TMEM178B: variants seen among roughly 807,000 people sequenced by gnomAD.
TMEM178B encodes the protein transmembrane protein 178B.
In TMEM178B, 5 loss-of-function variants were observed where a neutral mutation model predicts 31.0. The ratio of observed to expected loss-of-function variants is 0.16; its 90% CI spans 0.08 to 0.34. The LOEUF is 0.34. TMEM178B is among the 10% of genes least tolerant of loss of function. The probability of loss-of-function intolerance (pLI) is 1.00; values close to 1 mark genes in which losing one functional copy is unlikely to be tolerated. For synonymous variants in TMEM178B, 164 were observed against 164.0 expected (o/e 1.00, Z 0.00); for missense variants, 275 against 400.3 (o/e 0.69, Z 2.67).
chr7:141,474,486 A>G lies in TMEM178B; in HGVS notation c.*3700A>G, dbSNP rs1802321485. 1 of 152,162 alleles carries G rather than the reference A, an allele frequency of 6.6e-6. No individual in the cohort carries two copies. The highest frequency in any genetic ancestry group is 2.4e-5 in the African/African-American group (1 of 41,434). The allele number at this position is 152,162 out of a possible 1,614,324, so 9.4% of individuals were successfully genotyped here. A position where few individuals can be genotyped will look rare whatever the true frequency, so the allele number is the denominator to read the frequency against. On this transcript the variant is annotated 3_prime_UTR_variant, in exon 4 of 4. Transcript: ENST00000565468. The stretch of plus-strand genomic sequence containing the variant: ...AAAATCTGTGCCTGTTCCAGCTTCA[A>G]TCCTCCTCCAAGCCTTAGCTTTTCA...
chr7:141,125,409 G>A (rs1795475064), intron 1 of TMEM178B, among the ~76,000 whole-genome samples: 1 of 152,058 alleles, frequency 6.6e-6, no homozygotes, highest in Non-Finnish European at 1.5e-5. Flanking sequence ...GGCGCCGGAT[G>A]TGGTGGCTCA....
the TMEM178B span, among the ~76,000 whole-genome samples, chr7:141,495,197 A>C: frequency 6.6e-6 from 1 of 152,196 alleles, no homozygotes; most frequent in Non-Finnish European, 1.5e-5. Flanking sequence ...AGACCAGCTA[A>C]ATATTCAGCC....
At chr7:141,116,072 G>A (rs1168385365) in intron 1 of TMEM178B, among the ~76,000 whole-genome samples, 2 of 152,160 alleles carry the variant, frequency 1.3e-5, no homozygotes, top group East Asian at 1.9e-4. Context: ...CTTCAGCTCC[G>A]AGTTCAGTGT....
the TMEM178B span, among the ~76,000 whole-genome samples, chr7:141,490,744 A>C: frequency 1.9e-4 from 29 of 152,152 alleles, no homozygotes; most frequent in African/African-American, 7.0e-4. Context: ...CTAACCCCTA[A>C]CACATCAGCA....
At chr7:141,428,387 A>AAAAAAAAAAAG (rs1563180017) in intron 2 of TMEM178B, among the ~76,000 whole-genome samples, 3 of 143,958 alleles carry the variant, frequency 2.1e-5, no homozygotes, top group African/African-American at 8.0e-5. Flanking sequence ...AAAAAAAAGA[A>AAAAAAAAAAAG]AAAAAGAAAA....
intron 2 of TMEM178B, among the ~76,000 whole-genome samples, chr7:141,370,116 A>AGT (rs79962567): frequency 2.0e-5 from 3 of 151,786 alleles, no homozygotes; most frequent in Admixed American, 2.0e-4. Flanking sequence ...GAACCCCCCA[A>AGT]GTGTGTGTGA....
At position 141,470,712 on chromosome 7, in the gene TMEM178B, T is replaced by C. The variant is rs1403398698; in HGVS notation, c.811T>C (p.Leu271=). The change falls in exon 4 of 4, where the codon TTA becomes CTA. Residue 271 remains leucine, a synonymous_variant. Coordinates refer to ENST00000565468, the MANE Select transcript of TMEM178B (RefSeq NM_001195278.2). ...ACTCATCTCGGGATTCTTCTGTACC[T>C]TAGCCCCTTCTGTTCAACCTGTCCC... ...LTLISGFFCT[L]APSVQPVPRT... The C allele has an allele frequency of 6.5e-7, 1 of 1,535,376 alleles. No homozygotes were observed.
intron 2 of TMEM178B, among the ~76,000 whole-genome samples, chr7:141,290,805 G>C (rs1239805324): frequency 6.6e-6 from 1 of 152,192 alleles, no homozygotes. Context: ...TAGACTGCAA[G>C]CTCTTGGAAG....
intron 1 of TMEM178B, among the ~76,000 whole-genome samples, chr7:141,185,779 C>A (rs944842773): frequency 6.6e-6 from 1 of 152,044 alleles, no homozygotes; most frequent in African/African-American, 2.4e-5. Context: ...GGAGCCCTAA[C>A]CAGGGACCAT....
intron 3 of TMEM178B, among the ~76,000 whole-genome samples, chr7:141,444,055 C>A (rs1801709241): frequency 6.6e-6 from 1 of 152,140 alleles, no homozygotes; most frequent in Admixed American, 6.5e-5. Flanking sequence ...TAGTTTTTGG[C>A]AGGCTTATCT....
chr7:141,138,940 C>T (rs919442431), intron 1 of TMEM178B, among the ~76,000 whole-genome samples: 15 of 151,504 alleles, frequency 9.9e-5, no homozygotes, highest in Admixed American at 2.6e-4. Context: ...GCTGAGATCG[C>T]GCCACCGCAG....
intron 1 of TMEM178B, among the ~76,000 whole-genome samples, chr7:141,104,948 A>G (rs1724064654): frequency 6.6e-6 from 1 of 152,174 alleles, no homozygotes; most frequent in South Asian, 2.1e-4. Flanking sequence ...GGAGAATACA[A>G]TTTGGTCATA....
Position 141,241,646 on chromosome 7 carries a change from C to T in TMEM178B, c.496+28942C>T, listed in dbSNP as rs1419642423. ...TCTGGTTCCTCAGCTACCAAGGCTCCAGCAAGATTTGAGGGCACGTGGTGG... is the reference window on the plus strand; with the variant it reads ...TCTGGTTCCTCAGCTACCAAGGCTCTAGCAAGATTTGAGGGCACGTGGTGG... On this transcript the variant is annotated intron_variant, in intron 2 of 3. Coordinates refer to ENST00000565468, the MANE Select transcript of TMEM178B (RefSeq NM_001195278.2). Among the ~76,000 whole-genome samples the T allele has an allele frequency of 2.0e-5, 3 of 151,360 alleles. No individual in the cohort carries two copies. The East Asian group carries it at 5.8e-4, about 29-fold the overall frequency.
intron 2 of TMEM178B, among the ~76,000 whole-genome samples, chr7:141,357,444 A>G (rs1799839898): frequency 6.6e-6 from 1 of 152,236 alleles, no homozygotes; most frequent in African/African-American, 2.4e-5. Context: ...CATGATAAGC[A>G]TAGATCATTG....
intron 2 of TMEM178B, among the ~76,000 whole-genome samples, chr7:141,349,585 G>A (rs1799677265): frequency 6.6e-6 from 1 of 152,168 alleles, no homozygotes; most frequent in Non-Finnish European, 1.5e-5. Flanking sequence ...CTCCAGTGAT[G>A]GAGACAGAGA....
chr7:141,409,592 T>C (rs1800944482), intron 2 of TMEM178B, among the ~76,000 whole-genome samples: 1 of 152,196 alleles, frequency 6.6e-6, no homozygotes, highest in Non-Finnish European at 1.5e-5. Flanking sequence ...TCCTTTCCTT[T>C]CCTGGGAGAG....
chr7:141,468,184 A>T (rs115159968), intron 3 of TMEM178B, among the ~76,000 whole-genome samples: 123 of 152,270 alleles, frequency 8.1e-4, no homozygotes, highest in African/African-American at 2.8e-3. Context: ...TTCAAATCCT[A>T]TAGCTCCAAA....
chr7:141,111,806 A>G (rs912196230), intron 1 of TMEM178B, among the ~76,000 whole-genome samples: 4 of 152,240 alleles, frequency 2.6e-5, no homozygotes, highest in African/African-American at 7.2e-5. Context: ...GAAAAGGAGT[A>G]AGACAAATTA....
In TMEM178B at chr7:141,344,574, C is replaced by CCCTTCCTCCCTTCCTTCCTTCCTTCCTT. The variant is rs1554478049; in HGVS notation, c.497-93027_497-93026insCCCTTCCTTCCTTCCTTCCTTCCTTCCT. 1.5e-5 allele frequency among the ~76,000 whole-genome samples: 2 copies of CCCTTCCTCCCTTCCTTCCTTCCTTCCTT among 137,236 alleles called. No homozygotes were observed. Among genetic ancestry groups the CCCTTCCTCCCTTCCTTCCTTCCTTCCTT allele is most frequent in the Non-Finnish European group, 3.1e-5 (2 of 64,034 alleles). The allele number at this position is 137,236 out of a possible 152,430, so 90.0% of individuals were successfully genotyped here. A position where few individuals can be genotyped will look rare whatever the true frequency, so the allele number is the denominator to read the frequency against. ...CTCCCTCCCTCCATTCCTCCCTCCT[C>CCCTTCCTCCCTTCCTTCCTTCCTTCCTT]CCTTCCTTCCTTCCTTCCTTCCTTC... On this transcript the variant is annotated intron_variant, in intron 2 of 3. Transcript: ENST00000565468. The surrounding 1 kb of genome is among the most constrained non-coding windows in gnomAD (Gnocchi z 4.1).
Sources: gnomAD v4.1 joint callset for allele counts (sites outside exome capture counted in the v4.1 genomes callset) on GRCh38, gnomAD v4.1.1 for gene constraint, Gnocchi (gnomAD v3.1) non-coding constraint, MANE v1.5 for transcripts, NCBI Gene and HGNC (gene_info 2026-07-23, HGNC 2026-07-21) for gene names.